LMBR1: variants seen among roughly 807,000 people sequenced by gnomAD.
LMBR1 encodes the protein limb development membrane protein 1.
A neutral mutation model predicts 73.9 loss-of-function variants in LMBR1; 52 were observed. The observed-to-expected ratio is 0.70, with a 90% CI of 0.56 to 0.89. LMBR1 has a LOEUF of 0.89. Among genes scored for constraint, LMBR1 ranks in the 40% least tolerant of loss-of-function variants. The probability of loss-of-function intolerance (pLI) is 0.00; values close to 1 mark genes in which losing one functional copy is unlikely to be tolerated. For synonymous variants in LMBR1, 215 were observed against 209.4 expected, an observed-to-expected ratio of 1.03 and a Z score of -0.23; for missense variants, 539 against 579.8, an observed-to-expected ratio of 0.93 and a Z score of 0.72.
intron 15 of LMBR1, among the ~76,000 whole-genome samples, chr7:156,720,824 T>C (rs1373679136): frequency 6.6e-6 from 1 of 152,074 alleles, no homozygotes; most frequent in Non-Finnish European, 1.5e-5. Flanking sequence ...ATATATGACT[T>C]ATACTTCCAT....
intron 9 of LMBR1, among the ~76,000 whole-genome samples, chr7:156,753,434 T>C (rs754499758): frequency 1.1e-4 from 16 of 151,880 alleles, no homozygotes; most frequent in Non-Finnish European, 2.1e-4. Flanking sequence ...GGGATGTGGG[T>C]AGAAGCGAGC....
chr7:156,775,871 A>G (rs944443999), intron 5 of LMBR1, among the ~76,000 whole-genome samples: 4 of 151,940 alleles, frequency 2.6e-5, no homozygotes, highest in Non-Finnish European at 5.9e-5. Context: ...AGGCTGGTTA[A>G]GAGCCCCAAT....
chr7:156,815,806 AG>A (rs2133679919), intron 4 of LMBR1, among the ~76,000 whole-genome samples: 1 of 152,236 alleles, frequency 6.6e-6, no homozygotes, highest in Non-Finnish European at 1.5e-5. Context: ...TCGAATACTA[AG>A]GGTCCACTAT....
rs1802284720 is a variant in LMBR1 at position 156,670,651 on chromosome 7, G to A, written n.867-1364C>T. Among the ~76,000 whole-genome samples the A allele has an allele frequency of 6.6e-6, 1 of 152,158 alleles. No individual in the cohort carries two copies. Among genetic ancestry groups the A allele is most frequent in the African/African-American group, 2.4e-5 (1 of 41,432 alleles). On this transcript the variant is annotated intron_variant and non_coding_transcript_variant, in intron 4 of 4. Transcript: ENST00000430825. The surrounding 1 kb of genome is among the most constrained non-coding windows in gnomAD (Gnocchi z 4.3). ...CGAGGACAGACGATGGCAAACCCTG[G>A]GACCTGCAGATTTCCCAGTGGGAGC...
At chr7:156,745,430 A>C (rs1228481114) in intron 9 of LMBR1, among the ~76,000 whole-genome samples, 1 of 152,206 alleles carries the variant, frequency 6.6e-6, no homozygotes, top group East Asian at 1.9e-4. Context: ...ACACTCCCTC[A>C]AACAGTGACA....
intron 5 of LMBR1, among the ~76,000 whole-genome samples, chr7:156,777,839 C>G (rs1329123413): frequency 2.6e-5 from 4 of 152,108 alleles, no homozygotes; most frequent in Non-Finnish European, 4.4e-5. Flanking sequence ...ACATCATTAC[C>G]CACTTTGTTG....
At chr7:156,827,299 T>A (rs547888177) in intron 3 of LMBR1, among the ~76,000 whole-genome samples, 1 of 152,280 alleles carries the variant, frequency 6.6e-6, no homozygotes, top group East Asian at 1.9e-4. Flanking sequence ...AGTATTGTAC[T>A]ATTAATATTT....
At chr7:156,814,387 C>G (rs964682227) in intron 4 of LMBR1, among the ~76,000 whole-genome samples, 4 of 152,150 alleles carry the variant, frequency 2.6e-5, no homozygotes, top group African/African-American at 9.7e-5. Context: ...CTTAACTGAG[C>G]CTGCAATCAG....
At chr7:156,675,666 T>A (rs1288815279), downstream of LMBR1, 2 of 1,595,614 alleles carry the variant, frequency 1.3e-6, no homozygotes, top group East Asian at 4.5e-5. Flanking sequence ...AGCTCAGGTG[T>A]GAGCTTACCC....
intron 9 of LMBR1, among the ~76,000 whole-genome samples, chr7:156,750,790 G>A (rs1281471883): frequency 3.3e-5 from 5 of 152,120 alleles, no homozygotes; most frequent in African/African-American, 7.2e-5. Flanking sequence ...AATAAGGTGC[G>A]GTGGCTCCCA....
At chr7:156,779,546 T>G (rs548234174) in intron 5 of LMBR1, 1 of 300,682 alleles carries the variant, frequency 3.3e-6, no homozygotes, top group African/African-American at 2.1e-5. Flanking sequence ...ACTAAATGGA[T>G]AGTCTACTAC....
intron 5 of LMBR1, among the ~76,000 whole-genome samples, chr7:156,795,943 A>G (rs1251542443): frequency 6.6e-6 from 1 of 152,136 alleles, no homozygotes; most frequent in Non-Finnish European, 1.5e-5. Context: ...GTCAGGTTTG[A>G]CTGCCAGAGT....
rs769927325 is a variant in LMBR1 at position 156,836,859 on chromosome 7, G to C, written c.93C>G (p.Leu31=). The change falls in exon 2 of 17, where the codon CTC becomes CTG. Residue 31 remains leucine (L), a synonymous_variant. Coordinates refer to ENST00000353442, the MANE Select transcript of LMBR1 (RefSeq NM_022458.4). The part of the protein sequence containing the change: ...STICFLLFAI[L]YVVSYFIITR... Reference sequence around the variant, plus strand: ...TGATGATGAAGTAGGAAACAACGTAGAGAATGGCAAAAAGAAGGAAACATA... The same window carrying C: ...TGATGATGAAGTAGGAAACAACGTACAGAATGGCAAAAAGAAGGAAACATA... 7 of 1,579,228 alleles carry C rather than the reference G, an allele frequency of 4.4e-6. No individual in the cohort carries two copies. The highest frequency in any genetic ancestry group is 6.0e-6 in the Non-Finnish European group (7 of 1,158,956).
At chr7:156,804,134 A>G (rs1198425429) in intron 4 of LMBR1, among the ~76,000 whole-genome samples, 2 of 152,168 alleles carry the variant, frequency 1.3e-5, no homozygotes, top group African/African-American at 4.8e-5. Flanking sequence ...CCTAAAACTT[A>G]AAGTAGAATA....
rs1795455324 is a variant in LMBR1, at chr7:156,846,198, C to T, written c.67-9313G>A. Among the ~76,000 whole-genome samples the T allele has an allele frequency of 1.3e-5, 2 of 152,052 alleles. 1 individual carries two copies. Among genetic ancestry groups the T allele is most frequent in the Admixed American group, 1.3e-4 (2 of 15,262 alleles). On this transcript the variant is annotated intron_variant, in intron 1 of 16. Coordinates refer to ENST00000353442, the MANE Select transcript of LMBR1 (RefSeq NM_022458.4). The stretch of plus-strand genomic sequence containing the variant: ...TAGGCAGGAGGATGTCACTCAAGCT[C>T]AGGAGTTCAAGGCTGCAGTGCACAG...
chr7:156,762,329 A>C (rs147571791), intron 7 of LMBR1, 131 bp from the exon 8 acceptor site: 1 of 625,910 alleles, frequency 1.6e-6, no homozygotes, highest in Non-Finnish European at 2.9e-6. Context: ...TCTCCAACTG[A>C]GATTGTCAGT....
At chr7:156,696,804 A>C (rs1365463588) in intron 15 of LMBR1, among the ~76,000 whole-genome samples, 1 of 152,184 alleles carries the variant, frequency 6.6e-6, no homozygotes, top group Non-Finnish European at 1.5e-5. Flanking sequence ...CACAAATCTC[A>C]TGTCCTCTCA....
At position 156,687,919 on chromosome 7, in the gene LMBR1, T is replaced by TAGAG. The variant is rs1282414054; in HGVS notation, c.1387+110_1387+111insCTCT. Reference sequence around the variant, plus strand: ...AAAGTAGGGGATCAATAATTTGACCTCTAAGGTTTTACAAATTTGGGAAAC... The same window carrying TAGAG: ...AAAGTAGGGGATCAATAATTTGACCTAGAGCTAAGGTTTTACAAATTTGGGAAAC... On this transcript the variant is annotated intron_variant, in intron 16 of 16. Coordinates refer to ENST00000353442, the MANE Select transcript of LMBR1 (RefSeq NM_022458.4). 9 of 1,025,782 alleles carry TAGAG rather than the reference T, an allele frequency of 8.8e-6. No individual in the cohort carries two copies. In the African/African-American group the frequency reaches 1.5e-4, roughly 17 times the overall value. The allele number at this position is 1,025,782 out of a possible 1,614,324, so 63.5% of individuals were successfully genotyped here. A position where few individuals can be genotyped will look rare whatever the true frequency, so the allele number is the denominator to read the frequency against.
intron 15 of LMBR1, among the ~76,000 whole-genome samples, chr7:156,718,650 C>A (rs1813766899): frequency 6.6e-6 from 1 of 151,938 alleles, no homozygotes; most frequent in Non-Finnish European, 1.5e-5. Flanking sequence ...GGTGGGAGGA[C>A]TGCTTGAGCC....
Sources: allele counts gnomAD v4.1 joint callset (sites outside exome capture counted in the v4.1 genomes callset), GRCh38; gene constraint gnomAD v4.1.1; non-coding constraint Gnocchi (gnomAD v3.1); transcripts MANE v1.5; gene names NCBI Gene and HGNC (gene_info 2026-07-23, HGNC 2026-07-21).